The following APBB2 variants were observed in gnomAD, a reference collection of about 807,000 sequenced individuals.
The protein encoded by APBB2 is amyloid beta precursor protein binding family B member 2, also known as Fe65-like 1.
APBB2 carries 38 observed loss-of-function variants against 82.5 expected under a neutral mutation model. The ratio of observed to expected loss-of-function variants is 0.46; its 90% CI spans 0.36 to 0.60. The LOEUF (loss-of-function observed/expected upper bound fraction) is 0.60, where lower values mean the gene tolerates loss of function less well. APBB2 is among the 20% of genes least tolerant of loss of function. The pLI is 0.00. For synonymous variants in APBB2, 341 were observed against 368.2 expected, an observed-to-expected ratio of 0.93 and a Z score of 0.85; for missense variants, 772 against 972.3, an observed-to-expected ratio of 0.79 and a Z score of 2.74.
intron 2 of APBB2, among the ~76,000 whole-genome samples, chr4:41,142,164 T>G (rs1420374087): frequency 6.6e-6 from 1 of 151,566 alleles, no homozygotes. Context: ...TGTGACTCAC[T>G]ACTTTCTAGG....
chr4:41,067,892 T>G (rs1054139196), intron 3 of APBB2, among the ~76,000 whole-genome samples: 3 of 151,972 alleles, frequency 2.0e-5, no homozygotes, highest in East Asian at 1.9e-4. Context: ...AGAGACTAAG[T>G]GCTCACAGCG....
rs1745367835 is a variant in APBB2 at position 40,815,492 on chromosome 4, T to C, written c.*600A>G. 6.6e-6 allele frequency: 1 copy of C among 152,648 alleles called. No individual in the cohort carries two copies. Among genetic ancestry groups the C allele is most frequent in the Admixed American group, 6.5e-5 (1 of 15,286 alleles). The allele number at this position is 152,648 out of a possible 1,614,324, so 9.5% of individuals were successfully genotyped here. ...AAACAGCTGTAGACATGAAATGGTG[T>C]CCATGTGTCAAAGAGCTTGTCAGGG... On this transcript the variant is annotated 3_prime_UTR_variant, in exon 18 of 18. Coordinates refer to ENST00000508593, the MANE Select transcript of APBB2 (RefSeq NM_004307.2).
intron 6 of APBB2, among the ~76,000 whole-genome samples, chr4:40,997,294 G>A (rs572226715): frequency 2.0e-5 from 3 of 152,284 alleles, no homozygotes; most frequent in South Asian, 2.1e-4. Context: ...ATGGCTTTCT[G>A]TGCGTCAAGC....
At position 41,014,223 on chromosome 4, in the gene APBB2, TTTGGGAGGTGTGCTGTTC is replaced by T; in HGVS notation, c.177_194del (p.Asn60_Lys65del). The T allele has an allele frequency of 6.2e-7, 1 of 1,614,224 alleles. No individual in the cohort carries two copies. Among genetic ancestry groups the T allele is most frequent in the Admixed American group, 1.7e-5 (1 of 60,032 alleles). On this transcript the variant is annotated inframe_deletion, in exon 6 of 18. Transcript: ENST00000508593. The stretch of plus-strand genomic sequence containing the variant: ...TAGTTAGTGCATATTTTTTCCTGCA[TTTGGGAGGTGTGCTGTTC>T]TTGGTTTCTGTGTGTTTTATTTCAG...
chr4:41,049,543 CGGGA>C (rs1398338071), intron 4 of APBB2, among the ~76,000 whole-genome samples: 10,590 of 148,404 alleles, frequency 0.071, 1,382 homozygotes, highest in African/African-American at 0.26. Context: ...CCGCCCCGTC[CGGGA>C]GGGAGGTGGG....
chr4:40,936,448 G>A (rs1308062981), intron 7 of APBB2, among the ~76,000 whole-genome samples: 1 of 152,058 alleles, frequency 6.6e-6, no homozygotes, highest in African/African-American at 2.4e-5. Flanking sequence ...TTGAGATGGG[G>A]GTTCCATTAT....
intron 2 of APBB2, among the ~76,000 whole-genome samples, chr4:41,120,378 G>T (rs912072622): frequency 6.6e-6 from 1 of 152,112 alleles, no homozygotes; most frequent in African/African-American, 2.4e-5. Flanking sequence ...TGCAGTGGAA[G>T]CTCCTCAACC....
intron 5 of APBB2, among the ~76,000 whole-genome samples, chr4:41,020,161 T>C (rs1811093423): frequency 6.6e-6 from 1 of 152,240 alleles, no homozygotes; most frequent in African/African-American, 2.4e-5. Context: ...TGTAACCCTG[T>C]AACACTCCAA....
At chr4:40,921,280 C>G (rs1407352627) in intron 10 of APBB2, among the ~76,000 whole-genome samples, 1 of 152,178 alleles carries the variant, frequency 6.6e-6, no homozygotes, top group African/African-American at 2.4e-5. Context: ...TTAGAGCCTG[C>G]CTCCTTGGGT....
At chr4:40,854,162 T>C (rs983293809) in intron 12 of APBB2, among the ~76,000 whole-genome samples, 1 of 152,210 alleles carries the variant, frequency 6.6e-6, no homozygotes, top group African/African-American at 2.4e-5. Flanking sequence ...CATCTGCCCA[T>C]TCATCAACTG....
intron 12 of APBB2, among the ~76,000 whole-genome samples, chr4:40,859,852 C>G (rs1015199843): frequency 2.0e-5 from 3 of 152,210 alleles, no homozygotes; most frequent in African/African-American, 7.2e-5. Context: ...CTTCCCACCT[C>G]AGAGCCTTTG....
chr4:41,071,509 C>T (rs1245966697), intron 3 of APBB2, among the ~76,000 whole-genome samples: 1 of 151,976 alleles, frequency 6.6e-6, no homozygotes, highest in Admixed American at 6.6e-5. Flanking sequence ...GGCGAAACCC[C>T]ATCTCTACTA....
chr4:41,039,274 T>C (rs1262934057), intron 4 of APBB2, among the ~76,000 whole-genome samples: 2 of 152,152 alleles, frequency 1.3e-5, no homozygotes, highest in African/African-American at 4.8e-5. Flanking sequence ...ACCTGAAAAA[T>C]TCAAGTAGTG....
In APBB2 at chr4:41,154,956, T is replaced by G. The variant is rs115151579; in HGVS notation, c.-416-11814A>C. Among the ~76,000 whole-genome samples, 1,248 of 152,304 alleles carry G rather than the reference T, an allele frequency of 8.2e-3. 30 individuals are homozygous for G. The highest frequency in any genetic ancestry group is 0.029 in the African/African-American group (1,197 of 41,568). ...GACGGGGCACCCTAGGGCCTGGAGT[T>G]ACGCAGCTGACTGGCAGAGGTCAGT... On this transcript the variant is annotated intron_variant, in intron 1 of 17. Coordinates refer to ENST00000508593, the MANE Select transcript of APBB2 (RefSeq NM_004307.2).
At chr4:40,857,156 G>A (rs1004003606) in intron 12 of APBB2, 74 of 985,396 alleles carry the variant, frequency 7.5e-5, no homozygotes, top group Non-Finnish European at 7.7e-5. Context: ...GGCTCAAGTT[G>A]AAGAGAGCGG....
At chr4:41,174,234 T>C (rs986591639) in intron 1 of APBB2, among the ~76,000 whole-genome samples, 6 of 152,212 alleles carry the variant, frequency 3.9e-5, no homozygotes, top group Non-Finnish European at 7.3e-5. Context: ...CAGACTTCTA[T>C]TGGCCTCACA....
chr4:40,946,509 A>T (rs999786330), intron 6 of APBB2, among the ~76,000 whole-genome samples: 2 of 152,094 alleles, frequency 1.3e-5, no homozygotes, highest in African/African-American at 4.8e-5. Flanking sequence ...TACATATCTT[A>T]TCAGTTTACT....
chr4:41,136,073 T>C (rs148575530), intron 2 of APBB2, among the ~76,000 whole-genome samples: 20 of 152,342 alleles, frequency 1.3e-4, no homozygotes, highest in Admixed American at 3.3e-4. Flanking sequence ...GCCAGAGTCT[T>C]CATGAATGTA....
chr4:40,919,635 C>G (rs962134652), intron 10 of APBB2, among the ~76,000 whole-genome samples: 9 of 152,194 alleles, frequency 5.9e-5, no homozygotes, highest in Admixed American at 5.9e-4. Flanking sequence ...CTCTAGGTGA[C>G]TCTGTCCACA....
Sources: allele counts gnomAD v4.1 joint callset (sites outside exome capture counted in the v4.1 genomes callset), GRCh38; gene constraint gnomAD v4.1.1; transcripts MANE v1.5; gene names NCBI Gene and HGNC (gene_info 2026-07-23, HGNC 2026-07-21).